Variants in SYTL4 observed in about 807,000 individuals in gnomAD.
SYTL4 encodes synaptotagmin-like protein 4.
Under a neutral mutation model 52.7 loss-of-function variants are expected in SYTL4, and 16 were observed. The observed-to-expected ratio is 0.30, with a 90% CI of 0.21 to 0.46. The LOEUF (loss-of-function observed/expected upper bound fraction) is 0.46, where lower values mean the gene tolerates loss of function less well. SYTL4 is among the 20% of genes least tolerant of loss of function. The probability of loss-of-function intolerance (pLI) is 1.00; values close to 1 mark genes in which losing one functional copy is unlikely to be tolerated. For synonymous variants in SYTL4, 160 were observed against 186.6 expected (o/e 0.86, Z 1.16); for missense variants, 423 against 519.9 (o/e 0.81, Z 1.81).
At chrX:100,716,563 A>G (rs781731055) in intron 2 of SYTL4, among the ~76,000 whole-genome samples, 131 of 106,491 alleles carry the variant, frequency 1.2e-3, no homozygotes, top group African/African-American at 3.8e-3. Flanking sequence ...AAAAAAAAAA[A>G]AAAGAAAAAA....
In SYTL4 at chrX:100,675,290, G is replaced by A. The variant is rs760950494; in HGVS notation, c.*738C>T. 3 of 112,365 alleles carry A rather than the reference G, an allele frequency of 2.7e-5. No individual in the cohort carries two copies. Among genetic ancestry groups the A allele is most frequent in the African/African-American group, 6.5e-5 (2 of 30,813 alleles). The allele number at this position is 112,365 out of a possible 1,213,427, so 9.3% of individuals were successfully genotyped here. A position where few individuals can be genotyped will look rare whatever the true frequency, so the allele number is the denominator to read the frequency against. On this transcript the variant is annotated 3_prime_UTR_variant, in exon 20 of 20. Transcript: ENST00000372989. ...CTAGAAGCTCTCACTGGGCATCCTC[G>A]TGATTTAGTCAAAATACATTATCTA...
At chrX:100,702,260 G>A (rs1026820802) in intron 4 of SYTL4, among the ~76,000 whole-genome samples, 153 bp from the exon 5 acceptor site, 5 of 111,584 alleles carry the variant, frequency 4.5e-5, no homozygotes, top group African/African-American at 9.8e-5. Context: ...ACTCCCATCC[G>A]AAACATGCCC....
chrX:100,693,287 C>T (rs1413659817), intron 8 of SYTL4, among the ~76,000 whole-genome samples: 1 of 112,287 alleles, frequency 8.9e-6, no homozygotes, highest in African/African-American at 3.2e-5. Context: ...TCCTCAATGT[C>T]TCCACGTGGA....
chrX:100,723,822 G>T (rs1474300971), intron 2 of SYTL4, among the ~76,000 whole-genome samples: 5 of 109,484 alleles, frequency 4.6e-5, no homozygotes, highest in Admixed American at 9.5e-5. Flanking sequence ...CACCCCGTCT[G>T]GGAAGTGAGG....
chrX:100,695,954 T>G (rs1450710350), intron 8 of SYTL4, among the ~76,000 whole-genome samples: 1 of 112,026 alleles, frequency 8.9e-6, no homozygotes, highest in Non-Finnish European at 1.9e-5. Context: ...ATGTACTCTT[T>G]ACTGCTTGGC....
intron 2 of SYTL4, among the ~76,000 whole-genome samples, chrX:100,731,088 G>A (rs2084633845): frequency 9.0e-6 from 1 of 111,568 alleles, no homozygotes; most frequent in South Asian, 3.8e-4. Context: ...GCAGGGTACT[G>A]GGGGAAGAAA....
Position 100,701,578 on chromosome X carries a change from C to A in SYTL4, c.206G>T (p.Ser69Ile). The change falls in exon 6 of 20, where the codon AGC becomes ATC. Residue 69 changes from serine to isoleucine, a missense_variant. Coordinates refer to ENST00000372989, the MANE Select transcript of SYTL4 (RefSeq NM_001370165.1). ...SDRTCARCQESLGRLSPKTNT... is the reference protein window; with the variant it reads ...SDRTCARCQEILGRLSPKTNT... ...GGTTTTGGGACTCAAACGGCCCAGG[C>A]TCTCCTGGCACCGGGCACAGGTCCG... 1 of 1,211,697 alleles carries A rather than the reference C, an allele frequency of 8.3e-7. No homozygotes were observed. Among genetic ancestry groups the A allele is most frequent in the Non-Finnish European group, 1.1e-6 (1 of 895,425 alleles).
Position 100,700,915 on chromosome X carries a change from T to A in SYTL4, c.521A>T (p.Glu174Val), listed in dbSNP as rs776102294. ...DIWPGRKIIQ[E>V]RQKEPSVLFE... ...TTCTTACCTGGGCTCCTTCTGCCGC[T>A]CCTGAATGATCTTTCTTCCTGGCCA... The change falls in exon 8 of 20, where the codon GAG becomes GTG. Residue 174 changes from glutamate to valine, a missense_variant. By Grantham distance (121) the Glu-to-Val change is moderately radical. Transcript: ENST00000372989. The A allele has an allele frequency of 8.3e-7, 1 of 1,207,447 alleles. No homozygotes were observed. Among genetic ancestry groups the A allele is most frequent in the East Asian group, 3.0e-5 (1 of 33,795 alleles).
intron 2 of SYTL4, among the ~76,000 whole-genome samples, chrX:100,711,405 C>G (rs2084064971): frequency 9.0e-6 from 1 of 111,575 alleles, no homozygotes; most frequent in Non-Finnish European, 1.9e-5. Context: ...ACAAAGTCAT[C>G]AAAGCAGTTA....
At chrX:100,696,551 A>G (rs1247705757) in intron 8 of SYTL4, among the ~76,000 whole-genome samples, 1 of 111,697 alleles carries the variant, frequency 9.0e-6, no homozygotes, top group Non-Finnish European at 1.9e-5. Context: ...TCTTTGGTGA[A>G]ATGTCTGTTC....
intron 4 of SYTL4, 133 bp downstream of exon 4, chrX:100,702,960 G>A (rs1481840344): frequency 8.9e-6 from 1 of 112,157 alleles, no homozygotes; most frequent in Admixed American, 9.5e-5. Context: ...AGAAGAGGTG[G>A]ATTTTGCCTT....
At chrX:100,699,627 T>C (rs1366311720) in intron 8 of SYTL4, among the ~76,000 whole-genome samples, 2 of 97,885 alleles carry the variant, frequency 2.0e-5, no homozygotes, top group African/African-American at 7.4e-5. Context: ...TAGCTGGGAC[T>C]ACAGGTGCGT....
Position 100,690,230 on chromosome X carries a change from G to C in SYTL4, c.718-65C>G, listed in dbSNP as rs112076597. 20 of 827,967 alleles carry C rather than the reference G, an allele frequency of 2.4e-5. 1 individual carries two copies. Among genetic ancestry groups the C allele is most frequent in the African/African-American group, 2.2e-4 (11 of 49,541 alleles). 68.2% of individuals were successfully genotyped at this position (827,967 alleles called of 1,213,427 possible). On this transcript the variant is annotated intron_variant, in intron 10 of 19. Transcript: ENST00000372989. ...TGGATAGGTAGAAGGAGTGAGTAAG[G>C]AAGGACAGTCTTAAGAAGAATAAGG... is the stretch of plus-strand genomic sequence containing the variant.
chrX:100,729,257 A>T (rs1478220142), intron 2 of SYTL4, among the ~76,000 whole-genome samples: 1 of 111,214 alleles, frequency 9.0e-6, no homozygotes, highest in Non-Finnish European at 1.9e-5. Flanking sequence ...CCATTAATTC[A>T]TTAACAAATA....
intron 8 of SYTL4, among the ~76,000 whole-genome samples, chrX:100,700,531 C>T (rs751529390): frequency 2.3e-4 from 26 of 111,577 alleles, no homozygotes; most frequent in East Asian, 5.6e-4. Flanking sequence ...AGAAGATATA[C>T]GAAATAATTT....
rs1489217831 is a variant in SYTL4, at chrX:100,674,981, A to G, written c.*1047T>C. On this transcript the variant is annotated 3_prime_UTR_variant, in exon 20 of 20. Coordinates refer to ENST00000372989, the MANE Select transcript of SYTL4 (RefSeq NM_001370165.1). ...AGGGAGACTCTGTCTACATTCCCTT[A>G]GAGCCCTTAACAGTCCCCAGCCTGG... 1.8e-5 allele frequency: 2 copies of G among 112,095 alleles called. No homozygotes were observed. Among genetic ancestry groups the G allele is most frequent in the East Asian group, 5.6e-4 (2 of 3,587 alleles). 9.2% of individuals were successfully genotyped at this position (112,095 alleles called of 1,213,427 possible). A position where few individuals can be genotyped will look rare whatever the true frequency, so the allele number is the denominator to read the frequency against.
At chrX:100,716,443 TC>T (rs2084214505) in intron 2 of SYTL4, among the ~76,000 whole-genome samples, 1 of 25,967 alleles carries the variant, frequency 3.9e-5, no homozygotes, top group Non-Finnish European at 5.9e-5. Flanking sequence ...AGAGCAAAAC[TC>T]CATCTCAAAA....
At chrX:100,730,813 A>G (rs193237278) in intron 2 of SYTL4, among the ~76,000 whole-genome samples, 17 of 110,764 alleles carry the variant, frequency 1.5e-4, no homozygotes, top group African/African-American at 5.6e-4. Flanking sequence ...CCAAACAACC[A>G]AAAACGCAGA....
chrX:100,688,497 T>C, intron 12 of SYTL4, 54 bp from the exon 13 acceptor site: 2 of 1,006,621 alleles, frequency 2.0e-6, no homozygotes, highest in Non-Finnish European at 2.7e-6. Context: ...TTTCTTTAGC[T>C]TCAAAGACTA....
Sources: gnomAD v4.1 joint callset for allele counts (sites outside exome capture counted in the v4.1 genomes callset) on GRCh38, gnomAD v4.1.1 for gene constraint, MANE v1.5 for transcripts, NCBI Gene and HGNC (gene_info 2026-07-23, HGNC 2026-07-21) for gene names.